The following TMC1 variants were observed in gnomAD, a reference collection of about 807,000 sequenced individuals.
The protein encoded by TMC1 is transmembrane channel-like protein 1.
Under a neutral mutation model 105.8 loss-of-function variants are expected in TMC1, and 84 were observed. That is an observed-to-expected ratio of 0.79 (90% confidence interval 0.67 to 0.95). The LOEUF is 0.95. Ranked by LOEUF, TMC1 falls within the 40% of genes least tolerant of loss-of-function variation. TMC1 has a pLI of 0.00. For synonymous variants in TMC1, 315 were observed against 311.5 expected (o/e 1.01, Z -0.12); for missense variants, 817 against 914.1 (o/e 0.89, Z 1.37).
chr9:72,700,124 G>A (rs1179527878), intron 7 of TMC1, among the ~76,000 whole-genome samples: 1 of 151,064 alleles, frequency 6.6e-6, no homozygotes, highest in Non-Finnish European at 1.5e-5. Context: ...GCTAGGTGGT[G>A]GGCGCCTGTA....
At chr9:72,821,502 CA>C (rs35069464) in intron 20 of TMC1, among the ~76,000 whole-genome samples, 1,117 of 105,400 alleles carry the variant, frequency 0.011, 2 homozygotes, top group Admixed American at 0.014. Flanking sequence ...AACTCTGTCT[CA>C]AAAAAAAAAA....
At chr9:72,576,111 G>T (rs1203933513) in intron 1 of TMC1, among the ~76,000 whole-genome samples, 3 of 152,146 alleles carry the variant, frequency 2.0e-5, no homozygotes, top group Non-Finnish European at 4.4e-5. Context: ...ACTCGTGGTG[G>T]AATCTTCATT....
chr9:72,631,512 A>G (rs1588000753), intron 4 of TMC1, among the ~76,000 whole-genome samples: 2 of 152,246 alleles, frequency 1.3e-5, no homozygotes, highest in South Asian at 2.1e-4. Flanking sequence ...GAAAGCTACA[A>G]TCTACAAATT....
intron 11 of TMC1, among the ~76,000 whole-genome samples, chr9:72,753,286 C>CTTTTTTTTTTT (rs5898269): frequency 2.4e-5 from 2 of 81,826 alleles, no homozygotes; most frequent in African/African-American, 1.1e-4. Context: ...TTAACCCCAG[C>CTTTTTTTTTTT]TTTTTTTTTT....
intron 1 of TMC1, among the ~76,000 whole-genome samples, chr9:72,576,618 C>CTTTTTTTTTT (rs71357588): frequency 7.4e-6 from 1 of 135,148 alleles, no homozygotes; most frequent in African/African-American, 2.8e-5. Context: ...CTCCCAATTT[C>CTTTTTTTTTT]TTTTTTTTTT....
intron 23 of TMC1, among the ~76,000 whole-genome samples, chr9:72,834,845 C>T (rs1473105806): frequency 2.0e-5 from 3 of 152,012 alleles, no homozygotes; most frequent in African/African-American, 7.3e-5. Flanking sequence ...TTTTAATAAC[C>T]CCCACCCCTT....
chr9:72,796,031 C>T (rs901244878), intron 17 of TMC1, among the ~76,000 whole-genome samples: 7 of 151,094 alleles, frequency 4.6e-5, no homozygotes, highest in African/African-American at 1.7e-4. Flanking sequence ...AAAAAAAATG[C>T]AAAAAACAAA....
At chr9:72,755,793 C>T (rs1029400408) in intron 12 of TMC1, among the ~76,000 whole-genome samples, 1 of 152,128 alleles carries the variant, frequency 6.6e-6, no homozygotes, top group African/African-American at 2.4e-5. Context: ...AGCAGACTGC[C>T]TGTTTATAGT....
chr9:72,535,949 C>T (rs934442657), intron 1 of TMC1, among the ~76,000 whole-genome samples: 1 of 152,142 alleles, frequency 6.6e-6, no homozygotes, highest in Admixed American at 6.5e-5. Context: ...ACCAAAATAC[C>T]TCTCATTAGG....
chr9:72,647,982 C>T (rs769615080), intron 4 of TMC1, among the ~76,000 whole-genome samples: 7 of 151,982 alleles, frequency 4.6e-5, no homozygotes, highest in Non-Finnish European at 1.0e-4. Flanking sequence ...GGAGAAGTTT[C>T]AATAGAAAGA....
rs1588037731 is a variant in TMC1, at chr9:72,699,045, A to G, written c.237-1473A>G. On this transcript the variant is annotated intron_variant, in intron 7 of 23. Coordinates refer to ENST00000297784, the MANE Select transcript of TMC1 (RefSeq NM_138691.3). ...AACAAAGCAGAAATATGACTCACAA[A>G]ATACCAGCCCCAGCACCACAATATT... 3.9e-5 allele frequency among the ~76,000 whole-genome samples: 6 copies of G among 152,314 alleles called. 1 individual carries two copies. The South Asian group carries it at 1.2e-3, about 32-fold the overall frequency.
At chr9:72,823,609 AT>A (rs1215999009) in intron 20 of TMC1, among the ~76,000 whole-genome samples, 1 of 152,162 alleles carries the variant, frequency 6.6e-6, no homozygotes, top group East Asian at 1.9e-4. Context: ...TTTCCAAGAA[AT>A]TATTCCAATA....
At chr9:72,635,110 A>T (rs1051983618) in intron 4 of TMC1, among the ~76,000 whole-genome samples, 1 of 152,120 alleles carries the variant, frequency 6.6e-6, no homozygotes, top group Non-Finnish European at 1.5e-5. Context: ...GAGATTAGCC[A>T]GGTGTGGTGG....
chr9:72,810,992 ACT>A (rs534622032), intron 18 of TMC1, among the ~76,000 whole-genome samples: 7 of 152,074 alleles, frequency 4.6e-5, no homozygotes, highest in African/African-American at 1.4e-4. Context: ...CTCTGTAGAG[ACT>A]CTGCAGATTT....
intron 23 of TMC1, among the ~76,000 whole-genome samples, chr9:72,831,486 G>A (rs760951467): frequency 1.3e-5 from 2 of 151,810 alleles, no homozygotes; most frequent in Non-Finnish European, 2.9e-5. Flanking sequence ...TGTGCACAAC[G>A]TGCAGGTTAG....
chr9:72,802,483 A>C (rs1828492794), intron 17 of TMC1, among the ~76,000 whole-genome samples: 1 of 152,222 alleles, frequency 6.6e-6, no homozygotes, highest in Non-Finnish European at 1.5e-5. Context: ...CATAACAAAC[A>C]GTATCTCAGA....
intron 4 of TMC1, among the ~76,000 whole-genome samples, chr9:72,644,328 TA>T (rs536879440): frequency 6.6e-6 from 1 of 151,448 alleles, no homozygotes; most frequent in Admixed American, 6.6e-5. Flanking sequence ...GTGTTATATC[TA>T]AAAAAAAATC....
intron 5 of TMC1, among the ~76,000 whole-genome samples, chr9:72,659,731 T>C (rs759401926): frequency 6.6e-6 from 1 of 152,238 alleles, no homozygotes; most frequent in Non-Finnish European, 1.5e-5. Flanking sequence ...ACTATAATTA[T>C]AGTTAGTAGG....
At chr9:72,777,218 C>G (rs1828021137) in intron 13 of TMC1, among the ~76,000 whole-genome samples, 2 of 152,156 alleles carry the variant, frequency 1.3e-5, no homozygotes, top group East Asian at 3.9e-4. Context: ...CTACCTGATA[C>G]TCTGCCTAAA....
Sources: allele counts gnomAD v4.1 joint callset (sites outside exome capture counted in the v4.1 genomes callset), GRCh38; gene constraint gnomAD v4.1.1; transcripts MANE v1.5; gene names NCBI Gene and HGNC (gene_info 2026-07-23, HGNC 2026-07-21).